ATP1B4: variants seen among roughly 807,000 people sequenced by gnomAD.
The protein encoded by ATP1B4 is ATPase Na+/K+ transporting family member beta 4, also known as protein ATP1B4.
A neutral mutation model predicts 29.6 loss-of-function variants in ATP1B4; 32 were observed. The observed-to-expected ratio is 1.08, with a 90% CI of 0.82 to 1.45. ATP1B4 has a LOEUF of 1.45. Ranked by LOEUF, ATP1B4 falls within the 40% of genes most tolerant of loss-of-function variation. ATP1B4 has a pLI of 0.00. For missense variants in ATP1B4, 323 were observed against 276.2 expected (o/e 1.17, Z -1.20); for synonymous variants, 127 against 102.1 (o/e 1.24, Z -1.47).
chrX:120,378,601 G>C (rs777609201), intron 6 of ATP1B4, 77 bp from the exon 7 acceptor site: 156 of 842,197 alleles, frequency 1.9e-4, no homozygotes, highest in Non-Finnish European at 2.5e-4. Flanking sequence ...GATTTCACCT[G>C]GGTACAACTC....
In ATP1B4 at chrX:120,382,272, G is replaced by A. The variant is rs2058384151; in HGVS notation, c.*2638G>A. ...TACTAACAAGTTCTAGAAGATATAGGATCTTCTATAGTAGGTTAATGGAAA... is the reference window on the plus strand; with the variant it reads ...TACTAACAAGTTCTAGAAGATATAGAATCTTCTATAGTAGGTTAATGGAAA... On this transcript the variant is annotated 3_prime_UTR_variant, in exon 8 of 8. Transcript: ENST00000218008. 9.0e-6 allele frequency: 1 copy of A among 111,392 alleles called. No homozygotes were observed. Among genetic ancestry groups the A allele is most frequent in the Admixed American group, 9.6e-5 (1 of 10,433 alleles). 9.2% of individuals were successfully genotyped at this position (111,392 alleles called of 1,213,427 possible). A position where few individuals can be genotyped will look rare whatever the true frequency, so the allele number is the denominator to read the frequency against.
intron 6 of ATP1B4, among the ~76,000 whole-genome samples, chrX:120,376,833 G>C (rs2058358960): frequency 1.8e-5 from 2 of 112,585 alleles, no homozygotes; most frequent in Admixed American, 9.4e-5. Context: ...AGAGTCATTA[G>C]TTCCCAGATT....
intron 2 of ATP1B4, among the ~76,000 whole-genome samples, chrX:120,368,305 T>C (rs2058295997): frequency 8.9e-6 from 1 of 111,924 alleles, no homozygotes; most frequent in African/African-American, 3.2e-5. Flanking sequence ...GTAATGTTAA[T>C]GCTTCAGCCA....
intron 4 of ATP1B4, among the ~76,000 whole-genome samples, chrX:120,374,749 G>GTATATA (rs1211844886): frequency 1.1e-4 from 1 of 8,986 alleles, no homozygotes; most frequent in Non-Finnish European, 1.4e-4. Context: ...ATATAAGGGT[G>GTATATA]TATATATATA....
intron 7 of ATP1B4, 132 bp from the exon 8 acceptor site, chrX:120,379,341 G>T (rs770534029): frequency 3.6e-6 from 2 of 552,456 alleles, no homozygotes; most frequent in Middle Eastern, 3.5e-4. Flanking sequence ...CTGTTGCTTT[G>T]GCCATTTGCA....
intron 6 of ATP1B4, among the ~76,000 whole-genome samples, chrX:120,377,928 A>T (rs1209357271): frequency 1.8e-5 from 2 of 111,902 alleles, no homozygotes; most frequent in Admixed American, 1.9e-4. Flanking sequence ...GTGATGCACT[A>T]TTTGTCCTTA....
At chrX:120,365,071 G>A (rs746782123) in intron 1 of ATP1B4, among the ~76,000 whole-genome samples, 1 of 111,470 alleles carries the variant, frequency 9.0e-6, no homozygotes. Context: ...CTACCTCTAG[G>A]CACTTGTGCT....
chrX:120,362,274 T>G, intron 1 of ATP1B4, 43 bp downstream of exon 1: 1 of 1,120,915 alleles, frequency 8.9e-7, no homozygotes, highest in Non-Finnish European at 1.2e-6. Context: ...CCCTCCCCTT[T>G]TATTTTAATG....
At chrX:120,364,257 G>A (rs772089775) in intron 1 of ATP1B4, among the ~76,000 whole-genome samples, 17 of 111,836 alleles carry the variant, frequency 1.5e-4, no homozygotes, top group Non-Finnish European at 3.2e-4. Context: ...GAAATATAAA[G>A]GGAATATATA....
chrX:120,382,103 A>G lies in ATP1B4; in HGVS notation c.*2469A>G, dbSNP rs1461430669. 1 of 111,690 alleles carries G rather than the reference A, an allele frequency of 9.0e-6. No homozygotes were observed. The highest frequency in any genetic ancestry group is 3.3e-5 in the African/African-American group (1 of 30,672). 9.2% of individuals were successfully genotyped at this position (111,690 alleles called of 1,213,427 possible). On this transcript the variant is annotated 3_prime_UTR_variant, in exon 8 of 8. Transcript: ENST00000218008. Reference sequence around the variant, plus strand: ...TAAGCTATTTAATCTTGGGAACTGAAGCCAGTCATGTAAACATACTATACC... The same window carrying G: ...TAAGCTATTTAATCTTGGGAACTGAGGCCAGTCATGTAAACATACTATACC...
intron 7 of ATP1B4, 37 bp from the exon 8 acceptor site, chrX:120,379,436 T>A (rs748897855): frequency 8.5e-7 from 1 of 1,170,576 alleles, no homozygotes; most frequent in Non-Finnish European, 1.2e-6. Flanking sequence ...TCCTACCACC[T>A]CCCCACACTT....
intron 2 of ATP1B4, 21 bp downstream of exon 2, chrX:120,366,810 T>A: frequency 8.3e-7 from 1 of 1,197,987 alleles, no homozygotes; most frequent in Non-Finnish European, 1.1e-6. Context: ...ATAGTCCCAA[T>A]GCCAAAGTCT....
chrX:120,373,573 TTTAGAA>T (rs1366209824), intron 4 of ATP1B4, among the ~76,000 whole-genome samples: 2 of 112,139 alleles, frequency 1.8e-5, no homozygotes, highest in African/African-American at 6.5e-5. Context: ...GGCTCCATCA[TTTAGAA>T]TCAAATTGGA....
At position 120,367,278 on chromosome X, in the gene ATP1B4, C is replaced by T. The variant is rs778927737; in HGVS notation, c.328+489C>T. Among the ~76,000 whole-genome samples the T allele has an allele frequency of 4.5e-5, 5 of 112,002 alleles. No individual in the cohort carries two copies. In the Admixed American group the frequency reaches 4.7e-4, roughly 11 times the overall value. ...AAGACTTCTTGTAAGAAATGAGACT[C>T]AAATCCCTGCTAACATGACCAAGTG... On this transcript the variant is annotated intron_variant, in intron 2 of 7. Transcript: ENST00000218008.
chrX:120,371,128 C>T lies in ATP1B4; in HGVS notation c.480C>T (p.Ala160=). 1 of 1,210,759 alleles carries T rather than the reference C, an allele frequency of 8.3e-7. No homozygotes were observed. The highest frequency in any genetic ancestry group is 3.0e-5 in the East Asian group (1 of 33,848). ...CAGGAGTTATGATCAGACCCTTCGC[C>T]CATAGCCTTAACTTCAACTTCAACG... ...KPPGVMIRPF[A]HSLNFNFNVS... Residue 160 remains alanine (A), a synonymous_variant, in exon 4 of 8, where the codon GCC becomes GCT. Coordinates refer to ENST00000218008, the MANE Select transcript of ATP1B4 (RefSeq NM_001142447.3).
intron 4 of ATP1B4, among the ~76,000 whole-genome samples, chrX:120,374,822 G>GTA (rs376949260): frequency 0.57 from 7,391 of 12,944 alleles, 2,631 homozygotes; most frequent in Middle Eastern, 0.85. Flanking sequence ...ATATATAAGG[G>GTA]TATATATATA....
At chrX:120,370,118 C>G (rs2058305979) in intron 2 of ATP1B4, among the ~76,000 whole-genome samples, 2 of 111,545 alleles carry the variant, frequency 1.8e-5, no homozygotes, top group Non-Finnish European at 3.8e-5. Context: ...TTTCCCTTCC[C>G]CACCCTGTGT....
rs2058376376 is a variant in ATP1B4 at position 120,380,356 on chromosome X, C to CT, written c.*723dup. ...AGAAACTTCTGCCTCCCACAGACAACTAAGTGCTTATTCAAAGACTAGGTT... is the reference window on the plus strand; with the variant it reads ...AGAAACTTCTGCCTCCCACAGACAACTTAAGTGCTTATTCAAAGACTAGGTT... On this transcript the variant is annotated 3_prime_UTR_variant, in exon 8 of 8. Coordinates refer to ENST00000218008, the MANE Select transcript of ATP1B4 (RefSeq NM_001142447.3). 8.9e-6 allele frequency: 1 copy of CT among 112,176 alleles called. No individual in the cohort carries two copies. The highest frequency in any genetic ancestry group is 1.9e-5 in the Non-Finnish European group (1 of 53,264). 9.2% of individuals were successfully genotyped at this position (112,176 alleles called of 1,213,427 possible).
chrX:120,366,507 G>A lies in ATP1B4; in HGVS notation c.64-18G>A, dbSNP rs756417901. The A allele has an allele frequency of 8.4e-7, 1 of 1,192,282 alleles. No individual in the cohort carries two copies. The highest frequency in any genetic ancestry group is 1.8e-5 in the African/African-American group (1 of 56,273). ...CATTTTTTTTCAAAAAGGGTATTGT[G>A]TTTTGTCACTGTTCCAGGATGATCC... On this transcript the variant is annotated intron_variant, in intron 1 of 7. Transcript: ENST00000218008.
Sources: allele counts gnomAD v4.1 joint callset (sites outside exome capture counted in the v4.1 genomes callset), GRCh38; gene constraint gnomAD v4.1.1; transcripts MANE v1.5; gene names NCBI Gene and HGNC (gene_info 2026-07-23, HGNC 2026-07-21).